The following USP42 variants were observed in gnomAD, a reference collection of about 807,000 sequenced individuals.
USP42 encodes ubiquitin carboxyl-terminal hydrolase 42.
Under a neutral mutation model 113.0 loss-of-function variants are expected in USP42, and 23 were observed. That is an observed-to-expected ratio of 0.20 (90% CI 0.15 to 0.29). The LOEUF (loss-of-function observed/expected upper bound fraction) is 0.29. Among genes scored for constraint, USP42 ranks in the 10% least tolerant of loss-of-function variants. The probability of loss-of-function intolerance (pLI) is 1.00; values close to 1 mark genes in which losing one functional copy is unlikely to be tolerated. For synonymous variants in USP42, 933 were observed against 699.0 expected, an observed-to-expected ratio of 1.33 and a Z score of -5.28; for missense variants, 2,174 against 1,779.8, an observed-to-expected ratio of 1.22 and a Z score of -3.99.
At chr7:6,118,210 G>T (rs28844441) in intron 3 of USP42, among the ~76,000 whole-genome samples, 4 of 151,836 alleles carry the variant, frequency 2.6e-5, no homozygotes, top group Admixed American at 2.0e-4. Context: ...CCTGGGCAAC[G>T]TAGGGAGAAC....
rs139062474 is a variant in USP42, at chr7:6,151,690, G to T, written c.2201+1184G>T. Among the ~76,000 whole-genome samples, 24 of 152,224 alleles carry T rather than the reference G, an allele frequency of 1.6e-4. 1 individual carries two copies. The East Asian group carries it at 3.9e-3, about 24-fold the overall frequency. ...ACTCCTGACCTCAACTCATCCACCC[G>T]CTGTGGCCTCCCAAAGGGCTGGGAT... On this transcript the variant is annotated intron_variant, in intron 14 of 17. Transcript: ENST00000306177.
At chr7:6,113,071 A>G (rs892264894) in intron 2 of USP42, among the ~76,000 whole-genome samples, 3 of 151,138 alleles carry the variant, frequency 2.0e-5, no homozygotes, top group African/African-American at 4.9e-5. Context: ...GCCCAGCTAC[A>G]TTTTTGTATT....
intron 4 of USP42, among the ~76,000 whole-genome samples, chr7:6,138,746 A>G (rs942641162): frequency 3.3e-5 from 5 of 152,112 alleles, no homozygotes; most frequent in South Asian, 2.1e-4. Flanking sequence ...CGCCAACCCT[A>G]TTGTGAACTG....
At position 6,155,149 on chromosome 7, in the gene USP42, A is replaced by C; in HGVS notation, c.3595A>C (p.Lys1199Gln). The C allele has an allele frequency of 6.5e-7, 1 of 1,546,392 alleles. No homozygotes were observed. Among genetic ancestry groups the C allele is most frequent in the African/African-American group, 1.4e-5 (1 of 72,310 alleles). Residue 1199 changes from lysine to glutamine, a missense_variant, in exon 15 of 18, where the codon AAG becomes CAG. By Grantham distance (53) the Lys-to-Gln change is moderately conservative. Coordinates refer to ENST00000306177, the MANE Select transcript of USP42 (RefSeq NM_032172.3). ...EPKAKKHKKS[K>Q]KKKKSKDKHR... ...TAAAGCAAAGAAGCACAAAAAATCAAAGAAGAAAAAGAAATCCAAAGACAA... is the reference window on the plus strand; with the variant it reads ...TAAAGCAAAGAAGCACAAAAAATCACAGAAGAAAAAGAAATCCAAAGACAA...
At chr7:6,087,511 A>G in the USP42 span, among the ~76,000 whole-genome samples, 1 of 148,986 alleles carries the variant, frequency 6.7e-6, no homozygotes, top group Non-Finnish European at 1.5e-5. Flanking sequence ...TCATTTTAAA[A>G]TTTTTTGTAG....
chr7:6,122,678 C>T (rs2128487638), intron 3 of USP42, among the ~76,000 whole-genome samples: 1 of 151,742 alleles, frequency 6.6e-6, no homozygotes, highest in African/African-American at 2.4e-5. Context: ...AACATGTTGG[C>T]CAGGATGGTC....
At chr7:6,131,114 C>T (rs928699782) in intron 3 of USP42, among the ~76,000 whole-genome samples, 6 of 152,098 alleles carry the variant, frequency 3.9e-5, no homozygotes, top group Non-Finnish European at 8.8e-5. Context: ...AAGGCTTGCA[C>T]GAACGCTGAG....
At chr7:6,092,959 T>G in the USP42 span, 1 of 151,002 alleles carries the variant, frequency 6.6e-6, no homozygotes, top group African/African-American at 2.5e-5. Context: ...TGAAGTAAGG[T>G]TCAGAGAACT....
At chr7:6,101,235 C>T (rs1203240985), upstream of USP42, among the ~76,000 whole-genome samples, 3 of 150,860 alleles carry the variant, frequency 2.0e-5, no homozygotes, top group Admixed American at 6.6e-5. Context: ...GAAGCATCCG[C>T]CAGTAAGGAG....
At position 6,158,956 on chromosome 7, in the gene USP42, C is replaced by T. The variant is rs116996366; in HGVS notation, c.3944-494C>T. Among the ~76,000 whole-genome samples the T allele has an allele frequency of 0.013, 2,007 of 152,162 alleles. 26 individuals are homozygous for T. Among genetic ancestry groups the T allele is most frequent in the Middle Eastern group, 0.061 (18 of 294 alleles). On this transcript the variant is annotated intron_variant, in intron 16 of 17. Transcript: ENST00000306177. The surrounding 1 kb of genome is among the most constrained non-coding windows in gnomAD (Gnocchi z 4.2). ...TGGTCAGGCGTTGTCTGTGTGGTGG[C>T]CCTGTGTTTCCGTCCCCGTCCCACT...
At chr7:6,106,645 G>A (rs1363723385) in intron 1 of USP42, among the ~76,000 whole-genome samples, 1 of 152,126 alleles carries the variant, frequency 6.6e-6, no homozygotes, top group African/African-American at 2.4e-5. Flanking sequence ...GCTCACTGTA[G>A]CCTCAATCTC....
chr7:6,088,332 T>C, the USP42 span, among the ~76,000 whole-genome samples: 1 of 151,028 alleles, frequency 6.6e-6, no homozygotes, highest in Non-Finnish European at 1.5e-5. Flanking sequence ...CTCGGCTCAC[T>C]GCAACCTCTG....
intron 8 of USP42, 54 bp downstream of exon 8, chr7:6,143,068 C>T (rs1781518991): frequency 6.3e-6 from 10 of 1,589,214 alleles, no homozygotes; most frequent in South Asian, 3.3e-5. Flanking sequence ...TGGGGATGGC[C>T]GGCAGGCTTG....
the USP42 span, among the ~76,000 whole-genome samples, chr7:6,098,902 G>C: frequency 2.0e-5 from 3 of 149,854 alleles, 1 homozygote; most frequent in African/African-American, 7.5e-5. Flanking sequence ...CATAGTCTTC[G>C]GGTTGGTGGT....
At chr7:6,155,493 G>C (rs899203293) in intron 15 of USP42, among the ~76,000 whole-genome samples, 2 of 152,182 alleles carry the variant, frequency 1.3e-5, no homozygotes, top group African/African-American at 4.8e-5. Flanking sequence ...CCAGGAGTAA[G>C]CATGCAGTGT....
chr7:6,086,683 C>A, the USP42 span, among the ~76,000 whole-genome samples: 457 of 146,392 alleles, frequency 3.1e-3, 2 homozygotes, highest in Non-Finnish European at 4.8e-3. Context: ...TCCCTTCCCC[C>A]TTCCCTTTCC....
chr7:6,111,681 C>T (rs1244098671), intron 2 of USP42: 2 of 190,222 alleles, frequency 1.1e-5, no homozygotes, highest in African/African-American at 4.8e-5. Context: ...TGACTCACTG[C>T]AAGCTCTGCC....
the USP42 span, among the ~76,000 whole-genome samples, chr7:6,097,386 CTTT>C: frequency 9.2e-6 from 1 of 108,440 alleles, no homozygotes; most frequent in African/African-American, 3.7e-5. Flanking sequence ...CCTGTGGGTC[CTTT>C]TTTTTTTTTT....
At chr7:6,113,722 C>T (rs555811956) in intron 2 of USP42, among the ~76,000 whole-genome samples, 2 of 151,974 alleles carry the variant, frequency 1.3e-5, no homozygotes, top group Non-Finnish European at 2.9e-5. Context: ...CCCGGGTTCA[C>T]ACCATTCTCC....
Sources: gnomAD v4.1 joint callset for allele counts (sites outside exome capture counted in the v4.1 genomes callset) on GRCh38, gnomAD v4.1.1 for gene constraint, Gnocchi (gnomAD v3.1) non-coding constraint, MANE v1.5 for transcripts, NCBI Gene and HGNC (gene_info 2026-07-23, HGNC 2026-07-21) for gene names.